Variants in RBFOX1 observed in about 807,000 individuals in gnomAD.
RBFOX1 encodes the protein RNA binding fox-1 homolog 1.
In RBFOX1, 8 loss-of-function variants were observed where a neutral mutation model predicts 57.7. That is an observed-to-expected ratio of 0.14 (90% CI 0.08 to 0.25). The LOEUF is 0.25. Among genes scored for constraint, RBFOX1 ranks in the 10% least tolerant of loss-of-function variants. RBFOX1 has a pLI of 1.00. For missense variants in RBFOX1, 611 were observed against 548.5 expected (o/e 1.11, Z -1.14); for synonymous variants, 326 against 222.4 (o/e 1.47, Z -4.15).
intron 4 of RBFOX1, among the ~76,000 whole-genome samples, chr16:5,890,440 T>C (rs992137137): frequency 6.6e-6 from 1 of 152,114 alleles, no homozygotes; most frequent in Non-Finnish European, 1.5e-5. Context: ...GGCTCATGCC[T>C]GTAATCCCAC....
chr16:5,496,551 T>C (rs947163466), intron 2 of RBFOX1, among the ~76,000 whole-genome samples: 2 of 152,166 alleles, frequency 1.3e-5, no homozygotes, highest in African/African-American at 4.8e-5. Context: ...TCACTTGTTA[T>C]CAGGCATCAT....
intron 3 of RBFOX1, among the ~76,000 whole-genome samples, chr16:5,758,451 C>T (rs1175872925): frequency 6.6e-6 from 1 of 152,196 alleles, no homozygotes; most frequent in East Asian, 1.9e-4. Flanking sequence ...TTGGCCTCAG[C>T]AATTAACCCC....
chr16:5,968,556 G>A (rs956214552), intron 4 of RBFOX1, among the ~76,000 whole-genome samples: 1 of 152,056 alleles, frequency 6.6e-6, no homozygotes, highest in Non-Finnish European at 1.5e-5. Flanking sequence ...CAGTGATTCT[G>A]TCAAGCTACC....
chr16:6,912,603 T>TGTGTG (rs1336858737), intron 3 of RBFOX1, among the ~76,000 whole-genome samples: 1 of 150,990 alleles, frequency 6.6e-6, no homozygotes, highest in Non-Finnish European at 1.5e-5. Flanking sequence ...CTTTCTTTTC[T>TGTGTG]TGTGTGTGTG....
At chr16:7,645,845 G>A (rs2063633153) in intron 11 of RBFOX1, among the ~76,000 whole-genome samples, 1 of 152,088 alleles carries the variant, frequency 6.6e-6, no homozygotes, top group Non-Finnish European at 1.5e-5. Flanking sequence ...AGGGATAAAT[G>A]TATGTGTATA....
At chr16:7,565,434 C>G (rs1157868572) in intron 5 of RBFOX1, among the ~76,000 whole-genome samples, 1 of 152,138 alleles carries the variant, frequency 6.6e-6, no homozygotes, top group Non-Finnish European at 1.5e-5. Context: ...ATATTATTTT[C>G]TGAGCTTACA....
intron 1 of RBFOX1, among the ~76,000 whole-genome samples, chr16:6,137,549 G>A (rs1204729794): frequency 2.7e-5 from 4 of 150,786 alleles, no homozygotes; most frequent in African/African-American, 7.3e-5. Flanking sequence ...CAGGTGATCC[G>A]CCCACCTCGG....
At chr16:5,285,882 C>T (rs1191865412) in intron 1 of RBFOX1, among the ~76,000 whole-genome samples, 2 of 152,150 alleles carry the variant, frequency 1.3e-5, no homozygotes, top group East Asian at 1.9e-4. Flanking sequence ...AGCGATTCTC[C>T]TGCCTCAGCC....
chr16:6,489,236 C>T (rs139195385), intron 2 of RBFOX1, among the ~76,000 whole-genome samples: 3 of 152,186 alleles, frequency 2.0e-5, no homozygotes, highest in Non-Finnish European at 2.9e-5. Flanking sequence ...GCAATTCTAA[C>T]AACCTTCCCA....
chr16:7,428,049 C>CT (rs2098639266), intron 4 of RBFOX1, among the ~76,000 whole-genome samples: 1 of 152,160 alleles, frequency 6.6e-6, no homozygotes, highest in African/African-American at 2.4e-5. Flanking sequence ...TCTTACCTGT[C>CT]TTTTAAGTTG....
chr16:6,814,158 C>G (rs887795279), intron 3 of RBFOX1, among the ~76,000 whole-genome samples: 6 of 150,382 alleles, frequency 4.0e-5, no homozygotes, highest in African/African-American at 1.5e-4. Flanking sequence ...ACACACCAAA[C>G]AAGCCAATAT....
intron 2 of RBFOX1, among the ~76,000 whole-genome samples, chr16:6,405,756 G>A (rs1186857875): frequency 6.6e-6 from 1 of 152,174 alleles, no homozygotes; most frequent in Non-Finnish European, 1.5e-5. Context: ...TTGGGAACTA[G>A]CCACTTTACA....
chr16:7,287,398 G>A (rs2095671156), intron 4 of RBFOX1, among the ~76,000 whole-genome samples: 1 of 152,006 alleles, frequency 6.6e-6, no homozygotes. Flanking sequence ...ACTATGCCAG[G>A]GTGCTCTCTT....
intron 3 of RBFOX1, among the ~76,000 whole-genome samples, chr16:6,808,334 T>G (rs1603627424): frequency 6.6e-6 from 1 of 152,056 alleles, no homozygotes; most frequent in South Asian, 2.1e-4. Flanking sequence ...TCCCATCTGA[T>G]TATGCCTACT....
At chr16:7,372,602 C>A (rs1596718711) in intron 4 of RBFOX1, among the ~76,000 whole-genome samples, 1 of 152,120 alleles carries the variant, frequency 6.6e-6, no homozygotes, top group South Asian at 2.1e-4. Context: ...GTTTCAGAAT[C>A]AATTAGTAAT....
chr16:7,299,806 G>T (rs142476001), intron 4 of RBFOX1, among the ~76,000 whole-genome samples: 4 of 152,326 alleles, frequency 2.6e-5, no homozygotes, highest in East Asian at 1.9e-4. Context: ...GAGAACTACA[G>T]AATTCATGTA....
intron 14 of RBFOX1, among the ~76,000 whole-genome samples, chr16:7,708,228 GACTTC>G (rs1004415911): frequency 1.3e-5 from 2 of 151,536 alleles, no homozygotes; most frequent in Non-Finnish European, 1.5e-5. Flanking sequence ...TTGAGCAAGT[GACTTC>G]ACTTGATTCC....
intron 2 of RBFOX1, among the ~76,000 whole-genome samples, chr16:6,540,360 T>A (rs2153831388): frequency 6.6e-6 from 1 of 150,946 alleles, no homozygotes; most frequent in South Asian, 2.1e-4. Context: ...ACACTTGTAA[T>A]CCCAGCACTT....
intron 4 of RBFOX1, among the ~76,000 whole-genome samples, chr16:7,149,502 T>TTC (rs1491276160): frequency 3.5e-4 from 20 of 56,948 alleles, no homozygotes; most frequent in African/African-American, 1.1e-3. Flanking sequence ...TTTTTTTTTT[T>TTC]CCCCGACAGG....
Sources: gnomAD v4.1 joint callset for allele counts (sites outside exome capture counted in the v4.1 genomes callset) on GRCh38, gnomAD v4.1.1 for gene constraint, MANE v1.5 for transcripts, NCBI Gene and HGNC (gene_info 2026-07-23, HGNC 2026-07-21) for gene names.